HTR2A: variants seen among roughly 807,000 people sequenced by gnomAD.
HTR2A encodes the protein 5-HT2 receptor.
Under a neutral mutation model 31.0 loss-of-function variants are expected in HTR2A, and 14 were observed. The ratio of observed to expected loss-of-function variants is 0.45; its 90% CI spans 0.30 to 0.71. HTR2A has a LOEUF of 0.71. Ranked by LOEUF, HTR2A falls within the 30% of genes least tolerant of loss-of-function variation. HTR2A has a pLI of 0.09. For synonymous variants in HTR2A, 209 were observed against 225.2 expected, an observed-to-expected ratio of 0.93 and a Z score of 0.64; for missense variants, 442 against 573.3, an observed-to-expected ratio of 0.77 and a Z score of 2.34.
intron 3 of HTR2A, among the ~76,000 whole-genome samples, chr13:46,872,506 C>G (rs1950870146): frequency 6.6e-6 from 1 of 152,022 alleles, no homozygotes; most frequent in South Asian, 2.1e-4. Flanking sequence ...CAATTATATA[C>G]TATTTTATTA....
chr13:46,851,567 A>G (rs1303791774), intron 3 of HTR2A, among the ~76,000 whole-genome samples: 3 of 152,238 alleles, frequency 2.0e-5, no homozygotes, highest in Non-Finnish European at 2.9e-5. Context: ...TTTCTGAAAA[A>G]TTGCTTCAGT....
chr13:46,867,946 C>T (rs1407604843), intron 3 of HTR2A, among the ~76,000 whole-genome samples: 1 of 152,074 alleles, frequency 6.6e-6, no homozygotes, highest in African/African-American at 2.4e-5. Flanking sequence ...ACTTTTTGTC[C>T]TGAGTGAAGC....
intron 3 of HTR2A, 89 bp from the exon 4 acceptor site, chr13:46,835,728 A>G (rs1409843659): frequency 1.1e-6 from 1 of 936,022 alleles, no homozygotes; most frequent in Admixed American, 2.5e-5. Context: ...GCTATTGAAA[A>G]GATTTTATAT....
At chr13:46,893,390 C>T (rs559159775) in intron 2 of HTR2A, among the ~76,000 whole-genome samples, 1 of 152,286 alleles carries the variant, frequency 6.6e-6, no homozygotes, top group South Asian at 2.1e-4. Context: ...TCTGAATTAG[C>T]AAGCTCCCGG....
rs777975042 is a variant in HTR2A at position 46,835,512 on chromosome 13, T to C, written c.741A>G (p.Leu247=). 9 of 1,613,770 alleles carry C rather than the reference T, an allele frequency of 5.6e-6. No homozygotes were observed. The highest frequency in any genetic ancestry group is 5.0e-5 in the Admixed American group (3 of 59,946). The change falls in exon 4 of 4, where the codon TTA becomes TTG. Residue 247 remains leucine, a synonymous_variant. Transcript: ENST00000542664. Reference sequence around the variant, plus strand: ...GAAAGTAGGTGATCACCATGATGGTTAAGGGAATGAAAAATGACACAAAAG... The same window carrying C: ...GAAAGTAGGTGATCACCATGATGGTCAAGGGAATGAAAAATGACACAAAAG... The part of the protein sequence containing the change: ...IGSFVSFFIP[L]TIMVITYFLT...
intron 3 of HTR2A, among the ~76,000 whole-genome samples, chr13:46,868,319 G>A (rs1950834983): frequency 6.6e-6 from 1 of 152,210 alleles, no homozygotes; most frequent in Admixed American, 6.5e-5. Context: ...AAGATGAAGT[G>A]GAAAGCTAAG....
At chr13:46,863,647 A>AGG (rs1200445832) in intron 3 of HTR2A, among the ~76,000 whole-genome samples, 1 of 109,512 alleles carries the variant, frequency 9.1e-6, no homozygotes, top group African/African-American at 3.1e-5. Flanking sequence ...AAAAAAAAAA[A>AGG]AAGAAAAAAA....
chr13:46,842,267 G>T (rs1413184093), intron 3 of HTR2A, among the ~76,000 whole-genome samples: 1 of 151,988 alleles, frequency 6.6e-6, no homozygotes, highest in Admixed American at 6.6e-5. Flanking sequence ...CATGAGTAAA[G>T]ATTTATTTAG....
At chr13:46,876,757 T>C (rs950154129) in intron 3 of HTR2A, among the ~76,000 whole-genome samples, 3 of 152,102 alleles carry the variant, frequency 2.0e-5, no homozygotes, top group Admixed American at 6.6e-5. Context: ...AATATATCTG[T>C]CAAACTCTTT....
rs534337115 is a variant in HTR2A at position 46,886,169 on chromosome 13, A to C, written c.613+6221T>G. Among the ~76,000 whole-genome samples the C allele has an allele frequency of 9.2e-5, 14 of 152,278 alleles. No homozygotes were observed. In the East Asian group the frequency reaches 9.6e-4, roughly 10 times the overall value. On this transcript the variant is annotated intron_variant, in intron 3 of 3. Transcript: ENST00000542664. ...TTAGAAATTATTGGAAAACTTGTGAATTGGGACTCAGGGTAATGAGGAAAT... is the reference window on the plus strand; with the variant it reads ...TTAGAAATTATTGGAAAACTTGTGACTTGGGACTCAGGGTAATGAGGAAAT...
At chr13:46,837,967 C>T (rs2138339993) in intron 3 of HTR2A, among the ~76,000 whole-genome samples, 1 of 152,310 alleles carries the variant, frequency 6.6e-6, no homozygotes, top group Admixed American at 6.5e-5. Context: ...TCATTTCCTC[C>T]ATCCCTCTCT....
chr13:46,865,685 T>G (rs139350045), intron 3 of HTR2A, among the ~76,000 whole-genome samples: 2 of 152,222 alleles, frequency 1.3e-5, no homozygotes, highest in Non-Finnish European at 2.9e-5. Context: ...CAGTTGAATG[T>G]TAAATTTAAG....
chr13:46,848,749 C>G (rs1033127739), intron 3 of HTR2A, among the ~76,000 whole-genome samples: 4 of 152,136 alleles, frequency 2.6e-5, no homozygotes, highest in African/African-American at 9.7e-5. Context: ...CTTATGAACC[C>G]TAATCTAGTG....
chr13:46,891,944 C>T (rs1951056381), intron 3 of HTR2A, among the ~76,000 whole-genome samples: 1 of 152,150 alleles, frequency 6.6e-6, no homozygotes, highest in Admixed American at 6.5e-5. Flanking sequence ...TTCCTCTGGC[C>T]CACCTTTTCC....
intron 3 of HTR2A, among the ~76,000 whole-genome samples, chr13:46,886,382 A>T (rs1951006392): frequency 6.6e-6 from 1 of 152,138 alleles, no homozygotes; most frequent in Non-Finnish European, 1.5e-5. Context: ...TAAAATATAA[A>T]TATAAGATGG....
chr13:46,857,518 A>G (rs900137118), intron 3 of HTR2A, among the ~76,000 whole-genome samples: 12 of 152,128 alleles, frequency 7.9e-5, no homozygotes, highest in Admixed American at 3.3e-4. Flanking sequence ...TCATGATTTA[A>G]CCACCTCTCA....
At chr13:46,854,070 A>G (rs1171345458) in intron 3 of HTR2A, 2 of 152,224 alleles carry the variant, frequency 1.3e-5, no homozygotes, top group African/African-American at 4.8e-5. Context: ...GGTCCCAGTC[A>G]TCGGTAGCAT....
At chr13:46,897,314 C>G (rs148722908), upstream of HTR2A, among the ~76,000 whole-genome samples, 1 of 152,082 alleles carries the variant, frequency 6.6e-6, no homozygotes, top group African/African-American at 2.4e-5. Flanking sequence ...GGCTAGAAAA[C>G]AGTATGTCCT....
chr13:46,851,541 A>G (rs887220197), intron 3 of HTR2A, among the ~76,000 whole-genome samples: 4 of 152,244 alleles, frequency 2.6e-5, no homozygotes, highest in Non-Finnish European at 4.4e-5. Context: ...GAATATTTAT[A>G]TAATGGAAAC....
Sources: allele counts gnomAD v4.1 joint callset (sites outside exome capture counted in the v4.1 genomes callset), GRCh38; gene constraint gnomAD v4.1.1; transcripts MANE v1.5; gene names NCBI Gene and HGNC (gene_info 2026-07-23, HGNC 2026-07-21).